DBF4B: variants seen among roughly 807,000 people sequenced by gnomAD.
DBF4B encodes the protein protein DBF4 homolog B.
Under a neutral mutation model 53.4 loss-of-function variants are expected in DBF4B, and 49 were observed. That is an observed-to-expected ratio of 0.92 (90% confidence interval 0.73 to 1.16). The LOEUF (loss-of-function observed/expected upper bound fraction) is 1.16, where lower values mean the gene tolerates loss of function less well. DBF4B is among the 50% of genes most tolerant of loss of function. The pLI is 0.00. For synonymous variants in DBF4B, 257 were observed against 288.7 expected, an observed-to-expected ratio of 0.89 and a Z score of 1.11; for missense variants, 692 against 775.0, an observed-to-expected ratio of 0.89 and a Z score of 1.27.
At chr17:44,742,097 A>G (rs1043879645) in intron 10 of DBF4B, among the ~76,000 whole-genome samples, 1 of 151,822 alleles carries the variant, frequency 6.6e-6, no homozygotes, top group African/African-American at 2.4e-5. Context: ...ACAAAAAATA[A>G]AAATAAAAAT....
Position 44,750,743 on chromosome 17 carries a change from C to T in DBF4B, c.1338C>T (p.Pro446=). 5 of 1,614,200 alleles carry T rather than the reference C, an allele frequency of 3.1e-6. No homozygotes were observed. The highest frequency in any genetic ancestry group is 1.1e-5 in the South Asian group (1 of 91,088). The change falls in exon 14 of 14, where the codon CCC becomes CCT. Residue 446 remains proline (P), a synonymous_variant. Coordinates refer to ENST00000315005, the MANE Select transcript of DBF4B (RefSeq NM_145663.3). ...KGSREQGCLC[P]CPASFTQSHL... ...CCAGGGAGCAGGGCTGCCTCTGTCC[C>T]TGCCCAGCCTCCTTTACCCAGTCTC...
intron 11 of DBF4B, 43 bp from the exon 12 acceptor site, chr17:44,747,348 C>A (rs769294473): frequency 3.7e-6 from 6 of 1,611,426 alleles, no homozygotes; most frequent in South Asian, 2.2e-5. Flanking sequence ...CCCCTCCCCC[C>A]AGGCCTCATC....
rs1410807044 is a variant in DBF4B at position 44,715,315 on chromosome 17, C to T, written c.82+5949C>T. On this transcript the variant is annotated intron_variant, in intron 2 of 13. Transcript: ENST00000315005. ...TCCCAAGTTCAAGTGATTCTCCAGT[C>T]TCAGCCTCCTAAGTAGCTGGGATTA... 3.3e-5 allele frequency among the ~76,000 whole-genome samples: 5 copies of T among 152,138 alleles called. 1 individual carries two copies. Among genetic ancestry groups the T allele is most frequent in the Non-Finnish European group, 7.4e-5 (5 of 68,012 alleles).
At position 44,751,247 on chromosome 17, in the gene DBF4B, A is replaced by G. The variant is rs1334680637; in HGVS notation, c.1842A>G (p.Ser614=). ...FLHCGFLAVD[S]G is the part of the protein sequence containing the mutation. ...ATTGCGGCTTCCTGGCTGTAGACTC[A>G]GGTTAGAGGTGAACCCAGAACACCT... The change falls in exon 14 of 14, where the codon TCA becomes TCG. Residue 614 remains serine, a synonymous_variant. Transcript: ENST00000315005. 1 of 1,611,834 alleles carries G rather than the reference A, an allele frequency of 6.2e-7. No homozygotes were observed. The highest frequency in any genetic ancestry group is 1.7e-5 in the Admixed American group (1 of 59,952).
In DBF4B at chr17:44,751,145, C is replaced by A. The variant is rs538751427; in HGVS notation, c.1740C>A (p.Ser580=). ...TSHPCTLAFP[S]YLNDHDLGHL... The stretch of plus-strand genomic sequence containing the variant: ...ATCCGTGTACCCTTGCCTTCCCCTC[C>A]TATCTCAATGATCATGACCTTGGAC... Residue 580 remains serine (S), a synonymous_variant, in exon 14 of 14, where the codon TCC becomes TCA. Transcript: ENST00000315005. The A allele has an allele frequency of 1.2e-6, 2 of 1,614,028 alleles. No homozygotes were observed. The highest frequency in any genetic ancestry group is 2.7e-5 in the African/African-American group (2 of 74,922).
In DBF4B at chr17:44,747,502, G is replaced by A; in HGVS notation, c.1051G>A (p.Ala351Thr). 6.2e-7 allele frequency: 1 copy of A among 1,613,814 alleles called. No homozygotes were observed. Reference sequence around the variant, plus strand: ...CAGCTTTGCAGACATCCCTTTCCAGGCTGGCCTCCCCAGGTGAGTGCCACG... The same window carrying A: ...CAGCTTTGCAGACATCCCTTTCCAGACTGGCCTCCCCAGGTGAGTGCCACG... ...SHSFADIPFQAGLPRWSGSPA... is the reference protein window; with the variant it reads ...SHSFADIPFQTGLPRWSGSPA... Residue 351 changes from alanine (A) to threonine (T), a missense_variant, in exon 12 of 14, where the codon GCT (alanine) becomes ACT (threonine). Ala to Thr is a moderately conservative substitution (Grantham distance 58). Transcript: ENST00000315005.
chr17:44,747,342 T>A (rs1567675888), intron 11 of DBF4B, 49 bp from the exon 12 acceptor site: 1 of 1,607,840 alleles, frequency 6.2e-7, no homozygotes, highest in Non-Finnish European at 8.5e-7. Flanking sequence ...CGTGTCCCCC[T>A]CCCCCCAGGC....
intron 8 of DBF4B, among the ~76,000 whole-genome samples, chr17:44,737,220 C>T (rs1205162841): frequency 1.3e-5 from 2 of 152,204 alleles, no homozygotes; most frequent in East Asian, 1.9e-4. Context: ...AGCTGCCTAC[C>T]GTTTTCAGAA....
At chr17:44,727,054 G>A (rs1440179944) in intron 3 of DBF4B, among the ~76,000 whole-genome samples, 4 of 137,060 alleles carry the variant, frequency 2.9e-5, no homozygotes, top group East Asian at 2.2e-4. Context: ...AGCCAAGATC[G>A]TGCCTCTGCA....
At chr17:44,715,864 C>T (rs1390036972) in intron 2 of DBF4B, among the ~76,000 whole-genome samples, 1 of 125,360 alleles carries the variant, frequency 8.0e-6, no homozygotes, top group African/African-American at 3.2e-5. Context: ...GCTCTGTCTC[C>T]CAGGCTGGAG....
At position 44,741,091 on chromosome 17, in the gene DBF4B, C is replaced by T. The variant is rs369000326; in HGVS notation, c.714-245C>T. Among the ~76,000 whole-genome samples the T allele has an allele frequency of 2.6e-4, 39 of 151,346 alleles. No individual in the cohort carries two copies. In the East Asian group the frequency reaches 5.3e-3, roughly 20 times the overall value. On this transcript the variant is annotated intron_variant, in intron 9 of 13. Transcript: ENST00000315005. ...CGGAGCTTGCAGTGAGCCGAGATCG[C>T]GCCACTGCACTCCAGCCTGGGCGAC...
At chr17:44,730,853 C>A in intron 4 of DBF4B, 112 bp from the exon 5 acceptor site, 1 of 1,086,858 alleles carries the variant, frequency 9.2e-7, no homozygotes, top group Admixed American at 2.1e-5. Flanking sequence ...CTGCTCCCAG[C>A]TTTCCGAGGG....
intron 8 of DBF4B, 46 bp downstream of exon 8, chr17:44,736,912 C>A: frequency 6.2e-7 from 1 of 1,603,152 alleles, no homozygotes; most frequent in South Asian, 1.1e-5. Context: ...CCCTCCCTCC[C>A]TAAACACTTC....
chr17:44,722,474 C>T (rs1973937022), intron 2 of DBF4B, among the ~76,000 whole-genome samples: 1 of 152,182 alleles, frequency 6.6e-6, no homozygotes. Context: ...GGCAACAGGG[C>T]AGGCAGTGAC....
intron 3 of DBF4B, among the ~76,000 whole-genome samples, chr17:44,727,312 G>A (rs940176133): frequency 9.2e-5 from 14 of 151,664 alleles, no homozygotes; most frequent in African/African-American, 3.4e-4. Context: ...CCAGCTACTC[G>A]GGAGGCTGAG....
Position 44,741,323 on chromosome 17 carries a change from T to G in DBF4B, c.714-13T>G. On this transcript the variant is annotated splice_polypyrimidine_tract_variant and intron_variant, in intron 9 of 13. Transcript: ENST00000315005. Reference sequence around the variant, plus strand: ...CCCCATTGTAGTCAAAGTGGAAGTTTTCTCTGTTGCAGGAAGTTTCGTCCT... The same window carrying G: ...CCCCATTGTAGTCAAAGTGGAAGTTGTCTCTGTTGCAGGAAGTTTCGTCCT... 6.3e-7 allele frequency: 1 copy of G among 1,592,712 alleles called. No individual in the cohort carries two copies. Among genetic ancestry groups the G allele is most frequent in the Non-Finnish European group, 8.6e-7 (1 of 1,160,824 alleles).
chr17:44,738,678 A>T (rs903550391), intron 9 of DBF4B, among the ~76,000 whole-genome samples: 2 of 152,166 alleles, frequency 1.3e-5, no homozygotes, highest in African/African-American at 4.8e-5. Flanking sequence ...CCTGTGTGTG[A>T]ATTACCTCCA....
Position 44,738,421 on chromosome 17 carries a change from G to A in DBF4B, c.710G>A (p.Ser237Asn). Residue 237 changes from serine to asparagine, a missense_variant, in exon 9 of 14, where the codon AGC becomes AAC. Physicochemically the swap from Ser to Asn is conservative, Grantham distance 46. Coordinates refer to ENST00000315005, the MANE Select transcript of DBF4B (RefSeq NM_145663.3). Reference sequence around the variant, plus strand: ...CCGTTCCTCAAAATCGAAGATGAAAGCAGGTGAGTGGGACCTCCTTTCTCT... The same window carrying A: ...CCGTTCCTCAAAATCGAAGATGAAAACAGGTGAGTGGGACCTCCTTTCTCT... ...KAPFLKIEDE[S>N]RKFRPFHHQF... The A allele has an allele frequency of 6.2e-7, 1 of 1,613,664 alleles. No individual in the cohort carries two copies. The highest frequency in any genetic ancestry group is 8.5e-7 in the Non-Finnish European group (1 of 1,179,676).
intron 8 of DBF4B, 50 bp from the exon 9 acceptor site, chr17:44,738,329 C>A: frequency 6.3e-7 from 1 of 1,589,070 alleles, no homozygotes; most frequent in Non-Finnish European, 8.6e-7. Context: ...TGGTGCAGGC[C>A]CTGCACAGGG....
Sources: gnomAD v4.1 joint callset for allele counts (sites outside exome capture counted in the v4.1 genomes callset) on GRCh38, gnomAD v4.1.1 for gene constraint, MANE v1.5 for transcripts, NCBI Gene and HGNC (gene_info 2026-07-23, HGNC 2026-07-21) for gene names.